PRKN: variants seen among roughly 807,000 people sequenced by gnomAD.
PRKN encodes parkin RBR E3 ubiquitin protein ligase.
In PRKN, 56 loss-of-function variants were observed where a neutral mutation model predicts 59.5. That is an observed-to-expected ratio of 0.94 (90% CI 0.76 to 1.18). The LOEUF (loss-of-function observed/expected upper bound fraction) is 1.18. Among genes scored for constraint, PRKN ranks in the 50% most tolerant of loss-of-function variants. The pLI is 0.00. For missense variants in PRKN, 657 were observed against 596.4 expected, an observed-to-expected ratio of 1.10 and a Z score of -1.06; for synonymous variants, 250 against 222.1, an observed-to-expected ratio of 1.13 and a Z score of -1.12.
intron 7 of PRKN, among the ~76,000 whole-genome samples, chr6:161,572,990 G>A (rs979480978): frequency 6.6e-6 from 1 of 152,168 alleles, no homozygotes; most frequent in Non-Finnish European, 1.5e-5. Flanking sequence ...CCTGTGCTTT[G>A]GATCTCTTTG....
chr6:161,504,507 A>C (rs1460402780), intron 9 of PRKN, among the ~76,000 whole-genome samples: 2 of 148,444 alleles, frequency 1.3e-5, no homozygotes, highest in African/African-American at 2.5e-5. Context: ...ATGGGAACAG[A>C]CCAAACACTG....
At chr6:162,021,455 ATATATATTTTT>A (rs1170375470) in intron 5 of PRKN, among the ~76,000 whole-genome samples, 39 of 49,298 alleles carry the variant, frequency 7.9e-4, no homozygotes, top group African/African-American at 2.7e-3. Context: ...ATATATATAT[ATATATATTTTT>A]TTTTTTTTTT....
chr6:162,420,330 G>C (rs1241467132), intron 2 of PRKN, among the ~76,000 whole-genome samples: 1 of 152,078 alleles, frequency 6.6e-6, no homozygotes, highest in East Asian at 1.9e-4. Context: ...AAAATTTTAG[G>C]CACAAATTTA....
chr6:162,177,494 T>C (rs1325397157), intron 4 of PRKN, among the ~76,000 whole-genome samples: 1 of 152,208 alleles, frequency 6.6e-6, no homozygotes, highest in Non-Finnish European at 1.5e-5. Flanking sequence ...AGCTATTTCA[T>C]TGCTAAAAGG....
At chr6:161,536,392 AG>A (rs1475018075) in intron 9 of PRKN, among the ~76,000 whole-genome samples, 1 of 151,674 alleles carries the variant, frequency 6.6e-6, no homozygotes, top group Non-Finnish European at 1.5e-5. Context: ...CCGGAAAATG[AG>A]GTCATTTCCC....
In PRKN at chr6:161,785,857, G is replaced by A. The variant is rs2128206662; in HGVS notation, c.786C>T (p.Asp262=). 1 of 1,614,134 alleles carries A rather than the reference G, an allele frequency of 6.2e-7. No individual in the cohort carries two copies. Residue 262 remains aspartate, a synonymous_variant, in exon 7 of 12, where the codon GAC becomes GAT. Coordinates refer to ENST00000366898, the MANE Select transcript of PRKN (RefSeq NM_004562.3). ...QCNSRHVICL[D]CFHLYCVTRL... ...TTGTCACACAGTATAAGTGGAAACA[G>A]TCTAAGCAAATCACGTGGCGGGAGT...
chr6:161,792,939 G>A (rs964289478), intron 6 of PRKN, among the ~76,000 whole-genome samples: 1 of 152,144 alleles, frequency 6.6e-6, no homozygotes, highest in African/African-American at 2.4e-5. Context: ...GAGACCAAAT[G>A]CATTTTAATT....
chr6:162,368,695 CAAA>C (rs2128136101), intron 2 of PRKN, among the ~76,000 whole-genome samples: 1 of 152,262 alleles, frequency 6.6e-6, no homozygotes, highest in South Asian at 2.1e-4. Flanking sequence ...GGATTTAGGC[CAAA>C]GCAATACCTC....
chr6:161,642,371 C>T (rs1783775849), intron 7 of PRKN, among the ~76,000 whole-genome samples: 1 of 152,134 alleles, frequency 6.6e-6, no homozygotes, highest in Non-Finnish European at 1.5e-5. Context: ...TTGCTTATTG[C>T]ATTTCTTTGG....
At chr6:162,095,254 G>A (rs1779676920) in intron 4 of PRKN, among the ~76,000 whole-genome samples, 1 of 151,974 alleles carries the variant, frequency 6.6e-6, no homozygotes, top group African/African-American at 2.4e-5. Flanking sequence ...CCACTACAGA[G>A]ATAGGTTAGT....
chr6:162,086,040 T>A (rs1779233587), intron 4 of PRKN, among the ~76,000 whole-genome samples: 1 of 152,190 alleles, frequency 6.6e-6, no homozygotes, highest in African/African-American at 2.4e-5. Flanking sequence ...GAACTCCTTA[T>A]GTTACTTCGA....
chr6:162,459,854 T>TA (rs1324323485), intron 1 of PRKN, among the ~76,000 whole-genome samples: 1 of 152,190 alleles, frequency 6.6e-6, no homozygotes, highest in Non-Finnish European at 1.5e-5. Context: ...AAATATTTGT[T>TA]AAAATCTTCT....
chr6:161,476,357 C>T (rs1791082445), intron 9 of PRKN, among the ~76,000 whole-genome samples: 1 of 152,082 alleles, frequency 6.6e-6, no homozygotes. Flanking sequence ...GGGAAATCAA[C>T]ATTTAGGGAA....
chr6:162,657,803 T>C (rs978264676), intron 1 of PRKN, among the ~76,000 whole-genome samples: 9 of 152,074 alleles, frequency 5.9e-5, no homozygotes, highest in South Asian at 4.1e-4. Context: ...TGTCAGAATA[T>C]AGTAGGGACA....
intron 6 of PRKN, among the ~76,000 whole-genome samples, chr6:161,793,022 C>T (rs1411596002): frequency 1.3e-5 from 2 of 152,160 alleles, no homozygotes; most frequent in African/African-American, 4.8e-5. Flanking sequence ...CGGCACAGCG[C>T]CTGCCCACAA....
intron 1 of PRKN, among the ~76,000 whole-genome samples, chr6:162,587,693 A>G (rs1470330302): frequency 6.6e-6 from 1 of 152,192 alleles, no homozygotes; most frequent in Non-Finnish European, 1.5e-5. Context: ...GTGATTAAAT[A>G]TAAGCATAAT....
At chr6:162,724,140 T>C (rs947538660) in intron 1 of PRKN, among the ~76,000 whole-genome samples, 5 of 152,194 alleles carry the variant, frequency 3.3e-5, no homozygotes, top group African/African-American at 9.7e-5. Flanking sequence ...ACACAAAGAA[T>C]TGCTCATTTT....
At chr6:162,501,768 A>G (rs1793387332) in intron 1 of PRKN, among the ~76,000 whole-genome samples, 1 of 152,126 alleles carries the variant, frequency 6.6e-6, no homozygotes, top group Non-Finnish European at 1.5e-5. Flanking sequence ...CAACGCTTAC[A>G]TTAATAGAAT....
At chr6:162,225,180 G>A (rs1371858065) in intron 3 of PRKN, among the ~76,000 whole-genome samples, 5 of 152,064 alleles carry the variant, frequency 3.3e-5, no homozygotes, top group Non-Finnish European at 5.9e-5. Context: ...AAGAGTGACC[G>A]AACTTTATAA....
Sources: allele counts gnomAD v4.1 joint callset (sites outside exome capture counted in the v4.1 genomes callset), GRCh38; gene constraint gnomAD v4.1.1; transcripts MANE v1.5; gene names NCBI Gene and HGNC (gene_info 2026-07-23, HGNC 2026-07-21).